Variants in C7 observed in about 807,000 individuals in gnomAD.
C7 encodes the protein complement C7.
C7 carries 83 observed loss-of-function variants against 104.8 expected under a neutral mutation model. That is an observed-to-expected ratio of 0.79 (90% CI 0.66 to 0.95). C7 has a LOEUF of 0.95. Ranked by LOEUF, C7 falls within the 40% of genes least tolerant of loss-of-function variation. C7 has a pLI of 0.00. For missense variants in C7, 1,070 were observed against 1,011.2 expected (o/e 1.06, Z -0.79); for synonymous variants, 415 against 360.6 (o/e 1.15, Z -1.71).
chr5:40,957,929 G>A (rs76966755), intron 10 of C7, 104 bp from the exon 11 acceptor site: 18,006 of 668,544 alleles, frequency 0.027, 412 homozygotes, highest in East Asian at 0.093. Flanking sequence ...AAACTTGCCC[G>A]TGGCTTTTGA....
At chr5:40,931,215 T>C in intron 3 of C7, 76 bp downstream of exon 3, 2 of 1,051,182 alleles carry the variant, frequency 1.9e-6, no homozygotes, top group South Asian at 2.7e-5. Context: ...GTATTAACTT[T>C]TGAATGTTCA....
intron 1 of C7, among the ~76,000 whole-genome samples, chr5:40,924,583 G>A (rs1345831312): frequency 6.6e-6 from 1 of 152,206 alleles, no homozygotes; most frequent in African/African-American, 2.4e-5. Context: ...TACAGCCCTT[G>A]TAGAGGTTCC....
At chr5:40,941,635 A>G (rs1328403236) in intron 6 of C7, among the ~76,000 whole-genome samples, 1 of 152,184 alleles carries the variant, frequency 6.6e-6, no homozygotes, top group Non-Finnish European at 1.5e-5. Context: ...CCTGAGAGAC[A>G]TAAGAGCGGC....
At chr5:40,978,208 A>G (rs1271089327) in intron 16 of C7, among the ~76,000 whole-genome samples, 1 of 151,960 alleles carries the variant, frequency 6.6e-6, no homozygotes, top group Non-Finnish European at 1.5e-5. Context: ...GGTTATCAAA[A>G]CCGATATCCA....
At chr5:40,965,648 A>ATTTT (rs1554043910) in intron 14 of C7, among the ~76,000 whole-genome samples, 60 of 130,304 alleles carry the variant, frequency 4.6e-4, no homozygotes, top group East Asian at 8.5e-4. Context: ...ATATATATAT[A>ATTTT]TTTTTTTTTT....
At chr5:40,950,369 C>A (rs9292796) in intron 9 of C7, among the ~76,000 whole-genome samples, 2,318 of 152,236 alleles carry the variant, frequency 0.015, 61 homozygotes, top group East Asian at 0.054. Flanking sequence ...CATGTCCCTG[C>A]AAAGGACATG....
At chr5:40,919,356 C>T (rs1425588660) in intron 1 of C7, among the ~76,000 whole-genome samples, 2 of 152,072 alleles carry the variant, frequency 1.3e-5, no homozygotes, top group African/African-American at 2.4e-5. Context: ...AACTCCTAAC[C>T]TCAAGTGATC....
chr5:40,958,145 G>A lies in C7; in HGVS notation c.1373G>A (p.Arg458Gln), dbSNP rs369303619. Residue 458 changes from arginine (R) to glutamine (Q), a missense_variant, in exon 11 of 18, where the codon CGG (arginine) becomes CAG (glutamine). By Grantham distance (43) the Arg-to-Gln change is conservative (BLOSUM62 1). Coordinates refer to ENST00000313164, the MANE Select transcript of C7 (RefSeq NM_000587.4). ...YLDEFDPCHCRPCQNGGLATV... is the reference protein window; with the variant it reads ...YLDEFDPCHCQPCQNGGLATV... ...GATGAATTTGACCCCTGTCATTGCC[G>A]GCCTTGTCAAAATGGTGGTTTGGCT... 38 of 1,613,686 alleles carry A rather than the reference G, an allele frequency of 2.4e-5. No homozygotes were observed. The Admixed American group carries it at 2.7e-4, about 11-fold the overall frequency.
intron 2 of C7, among the ~76,000 whole-genome samples, chr5:40,930,198 C>T (rs1247822827): frequency 6.8e-6 from 1 of 146,040 alleles, no homozygotes; most frequent in Admixed American, 7.1e-5. Flanking sequence ...AGTCAATGAC[C>T]TACCTCTTTT....
chr5:40,936,458 C>T lies in C7; in HGVS notation c.401C>T (p.Pro134Leu). The T allele has an allele frequency of 1.9e-6, 3 of 1,613,224 alleles. No homozygotes were observed. The highest frequency in any genetic ancestry group is 1.7e-5 in the Admixed American group (1 of 59,900). The change falls in exon 5 of 18, where the codon CCT (proline) becomes CTT (leucine). Residue 134 changes from proline to leucine, a missense_variant. Coordinates refer to ENST00000313164, the MANE Select transcript of C7 (RefSeq NM_000587.4). ...CCTTCCTGTGATATCGATAAACCTCCTCCTAACATAGAACTTACTGGAAAT... is the reference window on the plus strand; with the variant it reads ...CCTTCCTGTGATATCGATAAACCTCTTCCTAACATAGAACTTACTGGAAAT... ...RRPSCDIDKP[P>L]PNIELTGNGY...
chr5:40,961,052 G>A (rs1180908114), intron 12 of C7, among the ~76,000 whole-genome samples: 2 of 152,130 alleles, frequency 1.3e-5, no homozygotes, highest in African/African-American at 4.8e-5. Context: ...CAAATAATGT[G>A]CTTTCAGTTA....
intron 15 of C7, among the ~76,000 whole-genome samples, chr5:40,974,932 G>T (rs1356461568): frequency 6.6e-6 from 1 of 152,080 alleles, no homozygotes; most frequent in African/African-American, 2.4e-5. Context: ...GCATTGCAGG[G>T]TGCTTAGCAG....
At chr5:40,950,040 T>C (rs1383163661) in intron 9 of C7, 26 bp downstream of exon 9, 4 of 1,356,432 alleles carry the variant, frequency 2.9e-6, no homozygotes, top group Non-Finnish European at 4.1e-6. Flanking sequence ...GCAGTTTGCA[T>C]TGCAAGCTTA....
intron 6 of C7, among the ~76,000 whole-genome samples, chr5:40,938,240 T>C (rs6876739): frequency 0.48 from 72,895 of 151,986 alleles, 18,432 homozygotes; most frequent in African/African-American, 0.66. Context: ...CAACTACTAT[T>C]TTATATTTTG....
intron 1 of C7, among the ~76,000 whole-genome samples, chr5:40,919,242 T>A (rs890440088): frequency 6.6e-6 from 1 of 151,176 alleles, no homozygotes; most frequent in Non-Finnish European, 1.5e-5. Context: ...TCCCACCTCA[T>A]CCCTTCCGAG....
rs1376730761 is a variant in C7, at chr5:40,981,399, C to A, written c.2358C>A (p.Ser786Arg). The change falls in exon 18 of 18, where the codon AGC (serine) becomes AGA (arginine). Residue 786 changes from serine (S) to arginine (R), a missense_variant. Physicochemically the swap from Ser to Arg is moderately radical, Grantham distance 110. Coordinates refer to ENST00000313164, the MANE Select transcript of C7 (RefSeq NM_000587.4). ...CPLWGKCDAE[S>R]SKCVCREASE... ...TTTCACTTACTTTTCCAGCTGAGAG[C>A]AGCAAATGTGTCTGCCGAGAAGCAT... 1.2e-6 allele frequency: 2 copies of A among 1,611,154 alleles called. No individual in the cohort carries two copies. Among genetic ancestry groups the A allele is most frequent in the South Asian group, 2.2e-5 (2 of 90,314 alleles).
intron 13 of C7, among the ~76,000 whole-genome samples, chr5:40,963,945 T>C (rs1003958400): frequency 6.6e-6 from 1 of 150,576 alleles, no homozygotes; most frequent in Non-Finnish European, 1.5e-5. Context: ...ACTAATAGGA[T>C]TGGAAAATTT....
intron 11 of C7, among the ~76,000 whole-genome samples, chr5:40,958,726 A>G (rs1261216968): frequency 4.6e-5 from 7 of 152,220 alleles, no homozygotes; most frequent in Non-Finnish European, 1.0e-4. Flanking sequence ...TGCTTCAAGC[A>G]CTTAGTACAG....
At chr5:40,977,555 A>G (rs1340501541) in intron 16 of C7, among the ~76,000 whole-genome samples, 1 of 152,178 alleles carries the variant, frequency 6.6e-6, no homozygotes, top group Non-Finnish European at 1.5e-5. Flanking sequence ...CTGTGTGGAG[A>G]TGGCCCTGAG....
Sources: allele counts gnomAD v4.1 joint callset (sites outside exome capture counted in the v4.1 genomes callset), GRCh38; gene constraint gnomAD v4.1.1; transcripts MANE v1.5; gene names NCBI Gene and HGNC (gene_info 2026-07-23, HGNC 2026-07-21).